MRGBP: variants seen among roughly 807,000 people sequenced by gnomAD.
The protein encoded by MRGBP is MRG/MORF4L-binding protein.
A neutral mutation model predicts 21.5 loss-of-function variants in MRGBP; 5 were observed. The ratio of observed to expected loss-of-function variants is 0.23; its 90% CI spans 0.12 to 0.49. The LOEUF is 0.49. Ranked by LOEUF, MRGBP falls within the 20% of genes least tolerant of loss-of-function variation. The pLI is 0.98. For synonymous variants in MRGBP, 118 were observed against 104.4 expected, an observed-to-expected ratio of 1.13 and a Z score of -0.79; for missense variants, 227 against 277.4, an observed-to-expected ratio of 0.82 and a Z score of 1.29.
In MRGBP at chr20:62,801,606, G is replaced by C. The variant is rs1990466993; in HGVS notation, c.*1963G>C. 3 of 152,564 alleles carry C rather than the reference G, an allele frequency of 2.0e-5. No individual in the cohort carries two copies. In the South Asian group the frequency reaches 6.2e-4, roughly 32 times the overall value. 9.5% of individuals were successfully genotyped at this position (152,564 alleles called of 1,614,324 possible). A position where few individuals can be genotyped will look rare whatever the true frequency, so the allele number is the denominator to read the frequency against. The stretch of plus-strand genomic sequence containing the variant: ...CAAATACTAACACGGGGTGTCACGG[G>C]ATGGCCAGGAGGAGTCCTGCTCGCC... On this transcript the variant is annotated 3_prime_UTR_variant, in exon 5 of 5. Transcript: ENST00000370487.
At position 62,800,746 on chromosome 20, in the gene MRGBP, G is replaced by C. The variant is rs1044396328; in HGVS notation, c.*1103G>C. 1 of 152,246 alleles carries C rather than the reference G, an allele frequency of 6.6e-6. No individual in the cohort carries two copies. The highest frequency in any genetic ancestry group is 1.5e-5 in the Non-Finnish European group (1 of 68,044). 9.4% of individuals were successfully genotyped at this position (152,246 alleles called of 1,614,324 possible). A position where few individuals can be genotyped will look rare whatever the true frequency, so the allele number is the denominator to read the frequency against. On this transcript the variant is annotated 3_prime_UTR_variant, in exon 5 of 5. Coordinates refer to ENST00000370487, the MANE Select transcript of MRGBP (RefSeq NM_018270.6). ...TATAAACAAAATAGTAACAGATTCT[G>C]AGTGGTTATTTTGTGGACTGTGACA...
At position 62,799,574 on chromosome 20, in the gene MRGBP, C is replaced by T. The variant is rs1990410868; in HGVS notation, c.546C>T (p.Val182=). The T allele has an allele frequency of 1.2e-6, 2 of 1,613,786 alleles. No individual in the cohort carries two copies. The highest frequency in any genetic ancestry group is 1.7e-6 in the Non-Finnish European group (2 of 1,180,010). ...EGADKRKRSR[V]TDKVLTANSN... ...CAGACAAGCGGAAGCGCAGCCGGGT[C>T]ACCGACAAAGTCCTGACCGCAAACA... is the stretch of plus-strand genomic sequence containing the variant. Residue 182 remains valine, a synonymous_variant, in exon 5 of 5, where the codon GTC becomes GTT. Coordinates refer to ENST00000370487, the MANE Select transcript of MRGBP (RefSeq NM_018270.6).
chr20:62,799,425 GTTTTCAGCCAAGTGAT>G lies in MRGBP; in HGVS notation c.428-25_428-10del. 1.9e-6 allele frequency: 3 copies of G among 1,599,364 alleles called. No homozygotes were observed. Among genetic ancestry groups the G allele is most frequent in the Non-Finnish European group, 2.6e-6 (3 of 1,171,932 alleles). ...ACAAAAATAAGATTCTGGATATTCT[GTTTTCAGCCAAGTGAT>G]TTTTCGTTTCTCAGTTTTTTCATCT... is the stretch of plus-strand genomic sequence containing the variant. On this transcript the variant is annotated splice_polypyrimidine_tract_variant and intron_variant, in intron 4 of 4. Transcript: ENST00000370487.
rs115713234 is a variant in MRGBP at position 62,799,650 on chromosome 20, A to G, written c.*7A>G. 7.6e-4 allele frequency: 1,222 copies of G among 1,603,698 alleles called. 4 individuals are homozygous for G. The African/African-American group carries it at 9.3e-3, about 12-fold the overall frequency. On this transcript the variant is annotated 3_prime_UTR_variant, in exon 5 of 5. Coordinates refer to ENST00000370487, the MANE Select transcript of MRGBP (RefSeq NM_018270.6). ...CAAGCGGCGCCGCACGTAGACCCTC[A>G]GCCCTGGTGGCGGCAGAGAAGCGGG...
chr20:62,796,698 T>TG, intron 1 of MRGBP, 27 bp downstream of exon 1: 3 of 1,263,518 alleles, frequency 2.4e-6, no homozygotes, highest in South Asian at 2.2e-5. Flanking sequence ...CGGACGCGCG[T>TG]GGGGGCGGGG....
intron 4 of MRGBP, 142 bp from the exon 5 acceptor site, chr20:62,799,314 A>G (rs1238718356): frequency 2.9e-6 from 3 of 1,024,390 alleles, no homozygotes; most frequent in Non-Finnish European, 4.2e-6. Flanking sequence ...TGTGGGCCCA[A>G]ATGCAAGGGG....
At position 62,799,764 on chromosome 20, in the gene MRGBP, A is replaced by G. The variant is rs1600765693; in HGVS notation, c.*121A>G. The G allele has an allele frequency of 9.0e-7, 1 of 1,110,196 alleles. No individual in the cohort carries two copies. The highest frequency in any genetic ancestry group is 2.5e-5 in the East Asian group (1 of 39,310). 68.8% of individuals were successfully genotyped at this position (1,110,196 alleles called of 1,614,324 possible). A position where few individuals can be genotyped will look rare whatever the true frequency, so the allele number is the denominator to read the frequency against. The stretch of plus-strand genomic sequence containing the variant: ...TACCATCCCAGTGCCATGAGCCCAC[A>G]CTGCCCGCCCTCAGGCTCTCAGGTG... On this transcript the variant is annotated 3_prime_UTR_variant, in exon 5 of 5. Transcript: ENST00000370487.
chr20:62,799,669 A>C lies in MRGBP; in HGVS notation c.*26A>C. ...ACCCTCAGCCCTGGTGGCGGCAGAG[A>C]AGCGGGCGAGGCACTGTGGTCGCTG... On this transcript the variant is annotated 3_prime_UTR_variant, in exon 5 of 5. Coordinates refer to ENST00000370487, the MANE Select transcript of MRGBP (RefSeq NM_018270.6). The C allele has an allele frequency of 6.3e-7, 1 of 1,596,110 alleles. No individual in the cohort carries two copies. The highest frequency in any genetic ancestry group is 2.2e-5 in the East Asian group (1 of 44,600).
Position 62,799,971 on chromosome 20 carries a change from T to C in MRGBP, c.*328T>C. On this transcript the variant is annotated 3_prime_UTR_variant, in exon 5 of 5. Coordinates refer to ENST00000370487, the MANE Select transcript of MRGBP (RefSeq NM_018270.6). ...TGACATGGATTAGCGCTACGTGGGC[T>C]GCAGCATTTGGGATCCAGGCTACCT... is the stretch of plus-strand genomic sequence containing the variant. 1 of 262,164 alleles carries C rather than the reference T, an allele frequency of 3.8e-6. No individual in the cohort carries two copies. 16.2% of individuals were successfully genotyped at this position (262,164 alleles called of 1,614,324 possible). A position where few individuals can be genotyped will look rare whatever the true frequency, so the allele number is the denominator to read the frequency against.
intron 4 of MRGBP, 43 bp downstream of exon 4, chr20:62,799,092 A>G: frequency 1.9e-6 from 3 of 1,568,424 alleles, no homozygotes; most frequent in Non-Finnish European, 2.6e-6. Flanking sequence ...TTTGGGGCTC[A>G]GCACCCCAAG....
chr20:62,799,359 G>A, intron 4 of MRGBP, 97 bp from the exon 5 acceptor site: 3 of 1,325,644 alleles, frequency 2.3e-6, no homozygotes, highest in South Asian at 1.4e-5. Context: ...GGTTCAGAGG[G>A]TCACGTGTCA....
At chr20:62,797,311 G>A in intron 2 of MRGBP, 80 bp downstream of exon 2, 1 of 1,467,572 alleles carries the variant, frequency 6.8e-7, no homozygotes, top group South Asian at 1.4e-5. Context: ...GCCTGAGCTG[G>A]GCAGAGGCCC....
chr20:62,799,054 G>A lies in MRGBP; in HGVS notation c.427+5G>A. ...CCCACAATGGGGCTGACGATGGTGA[G>A]TGTGGAGCTCACCCTGCCCTGATGC... is the stretch of plus-strand genomic sequence containing the variant. On this transcript the variant is annotated splice_donor_5th_base_variant and intron_variant, in intron 4 of 4. Transcript: ENST00000370487. The A allele has an allele frequency of 6.2e-7, 1 of 1,608,298 alleles. No homozygotes were observed. The highest frequency in any genetic ancestry group is 8.5e-7 in the Non-Finnish European group (1 of 1,177,186).
chr20:62,797,462 A>C (rs1216028147), intron 2 of MRGBP, among the ~76,000 whole-genome samples: 1 of 152,192 alleles, frequency 6.6e-6, no homozygotes, highest in African/African-American at 2.4e-5. Context: ...AGACCCCTGC[A>C]GTGAGGCTCG....
In MRGBP at chr20:62,799,832, T is replaced by C. The variant is rs539166236; in HGVS notation, c.*189T>C. ...GGAAACGTGTGTGTCAGTTGGACCA[T>C]GTGGGACCCTGATGGACCTGAAAGA... On this transcript the variant is annotated 3_prime_UTR_variant, in exon 5 of 5. Coordinates refer to ENST00000370487, the MANE Select transcript of MRGBP (RefSeq NM_018270.6). 3.1e-5 allele frequency: 19 copies of C among 614,164 alleles called. No homozygotes were observed. The highest frequency in any genetic ancestry group is 5.0e-5 in the Non-Finnish European group (18 of 359,970). 38.0% of individuals were successfully genotyped at this position (614,164 alleles called of 1,614,324 possible). A position where few individuals can be genotyped will look rare whatever the true frequency, so the allele number is the denominator to read the frequency against.
chr20:62,797,011 C>T (rs1398441830), intron 1 of MRGBP, 99 bp from the exon 2 acceptor site: 9 of 1,204,564 alleles, frequency 7.5e-6, no homozygotes, highest in Admixed American at 5.5e-5. Context: ...CATCTCTCCG[C>T]AGCCACCCTT....
chr20:62,797,631 C>T (rs1285202308), intron 2 of MRGBP, among the ~76,000 whole-genome samples: 1 of 152,202 alleles, frequency 6.6e-6, no homozygotes, highest in Non-Finnish European at 1.5e-5. Context: ...TGCAGAGTCC[C>T]GGGCCCTTAG....
In MRGBP at chr20:62,796,617, A is replaced by G; in HGVS notation, c.94A>G (p.Ser32Gly). The part of the protein sequence containing the change: ...TSPAEETVVW[S>G]PEVEVCLFHA... ...CCCGGCGGAGGAGACAGTGGTGTGGAGCCCCGAGGTGGAGGTGTGCCTCTT... is the reference window on the plus strand; with the variant it reads ...CCCGGCGGAGGAGACAGTGGTGTGGGGCCCCGAGGTGGAGGTGTGCCTCTT... Residue 32 changes from serine to glycine, a missense_variant, in exon 1 of 5, where the codon AGC (serine) becomes GGC (glycine). Transcript: ENST00000370487. 7.5e-7 allele frequency: 1 copy of G among 1,326,110 alleles called. No individual in the cohort carries two copies. The highest frequency in any genetic ancestry group is 9.7e-7 in the Non-Finnish European group (1 of 1,035,042). 82.1% of individuals were successfully genotyped at this position (1,326,110 alleles called of 1,614,324 possible). A position where few individuals can be genotyped will look rare whatever the true frequency, so the allele number is the denominator to read the frequency against.
chr20:62,799,145 C>T (rs533379393), intron 4 of MRGBP, 96 bp downstream of exon 4: 53 of 1,311,580 alleles, frequency 4.0e-5, no homozygotes, highest in African/African-American at 1.3e-4. Flanking sequence ...GTAGAGCCTG[C>T]GGTGCAGAGG....
Sources: allele counts gnomAD v4.1 joint callset (sites outside exome capture counted in the v4.1 genomes callset), GRCh38; gene constraint gnomAD v4.1.1; transcripts MANE v1.5; gene names NCBI Gene and HGNC (gene_info 2026-07-23, HGNC 2026-07-21).